The following PML variants were observed in gnomAD, a reference collection of about 807,000 sequenced individuals.
PML encodes the protein PML nuclear body scaffold, also known as protein PML.
A neutral mutation model predicts 65.2 loss-of-function variants in PML; 28 were observed. The ratio of observed to expected loss-of-function variants is 0.43; its 90% CI spans 0.32 to 0.59. The LOEUF is 0.59. Ranked by LOEUF, PML falls within the 20% of genes least tolerant of loss-of-function variation. PML has a pLI of 0.08. For missense variants in PML, 1,021 were observed against 1,203.4 expected (o/e 0.85, Z 2.24); for synonymous variants, 500 against 508.8 (o/e 0.98, Z 0.23).
At chr15:74,036,931 T>C (rs1429732780) in intron 7 of PML, 1 of 985,252 alleles carries the variant, frequency 1.0e-6, no homozygotes, top group Non-Finnish European at 1.2e-6. Flanking sequence ...GAGCTCTCAG[T>C]CCTACCTTCG....
intron 7 of PML, chr15:74,036,911 C>T (rs2071580103): frequency 3.0e-6 from 3 of 984,640 alleles, no homozygotes; most frequent in Admixed American, 6.1e-5. Context: ...ACCGCAGCCT[C>T]CTGTTCCTTG....
intron 2 of PML, among the ~76,000 whole-genome samples, chr15:74,008,157 A>G (rs2070153034): frequency 6.6e-6 from 1 of 152,142 alleles, no homozygotes; most frequent in South Asian, 2.1e-4. Context: ...AAGGAAATAG[A>G]AAGGCCACAG....
chr15:74,043,486 AG>A lies in PML; in HGVS notation c.1861+349del, dbSNP rs1222584775. On this transcript the variant is annotated intron_variant, in intron 8 of 8. Transcript: ENST00000268058. This position sits in a 1 kb window ranked among gnomAD's most constrained non-coding sequence, Gnocchi z 4.3. ...TGCCGTGAGCCCTGTCATCCAAGTA[AG>A]GCCTCTGGCTGTGCTACACGTTTCT... 2.0e-6 allele frequency: 2 copies of A among 1,017,020 alleles called. No homozygotes were observed. Among genetic ancestry groups the A allele is most frequent in the Non-Finnish European group, 2.7e-6 (2 of 749,026 alleles). 63.0% of individuals were successfully genotyped at this position (1,017,020 alleles called of 1,614,324 possible).
At position 73,998,464 on chromosome 15, in the gene PML, C is replaced by T; in HGVS notation, c.590C>T (p.Pro197Leu). Residue 197 changes from proline (P) to leucine (L), a missense_variant, in exon 2 of 9, where the codon CCT becomes CTT. Pro to Leu is a moderately conservative substitution (Grantham distance 98). Transcript: ENST00000268058. ...TGCTCCAACCCCAACCACCGCACCC[C>T]TACGCTGACCAGGTGAGTAGGCCGG... ...IFCSNPNHRT[P>L]TLTSIYCRGC... 1.9e-6 allele frequency: 3 copies of T among 1,613,862 alleles called. No individual in the cohort carries two copies. Among genetic ancestry groups the T allele is most frequent in the East Asian group, 4.5e-5 (2 of 44,878 alleles).
intron 2 of PML, among the ~76,000 whole-genome samples, chr15:74,019,430 G>A (rs956401720): frequency 3.3e-5 from 5 of 152,050 alleles, no homozygotes; most frequent in African/African-American, 1.2e-4. Flanking sequence ...ACATTTATTA[G>A]TATTCTGTTT....
intron 4 of PML, chr15:74,025,144 C>T (rs981335951): frequency 3.5e-6 from 2 of 569,758 alleles, no homozygotes; most frequent in Non-Finnish European, 6.4e-6. Context: ...GCCAAAGTTG[C>T]TCTTGATGGG....
intron 4 of PML, among the ~76,000 whole-genome samples, chr15:74,028,694 A>G (rs754917511): frequency 3.3e-5 from 5 of 152,076 alleles, no homozygotes; most frequent in African/African-American, 1.2e-4. Flanking sequence ...ACCCTTGTCT[A>G]CTTTCTGTCT....
rs544570582 is a variant in PML at position 74,020,506 on chromosome 15, A to G, written c.603-2322A>G. The stretch of plus-strand genomic sequence containing the variant: ...ACAGCAATATTTCTGGGGAACTAAC[A>G]GTATTTTCCCTGGTAATATTTGAAG... On this transcript the variant is annotated intron_variant, in intron 2 of 8. Transcript: ENST00000268058. Among the ~76,000 whole-genome samples, 19 of 152,132 alleles carry G rather than the reference A, an allele frequency of 1.2e-4. No homozygotes were observed. The East Asian group carries it at 3.7e-3, about 29-fold the overall frequency.
At position 74,043,054 on chromosome 15, in the gene PML, C is replaced by A; in HGVS notation, c.1776C>A (p.Thr592=). ...SSDLQLEGPS[T]LRVLDENLAD... ...ACCTCCAGCTGGAAGGCCCCAGCAC[C>A]CTCAGGGTCCTGGACGAGAACCTTG... The change falls in exon 8 of 9, where the codon ACC becomes ACA. Residue 592 remains threonine, a synonymous_variant. Transcript: ENST00000268058. The surrounding 1 kb of genome is among the most constrained non-coding windows in gnomAD (Gnocchi z 4.3). 1.2e-6 allele frequency: 2 copies of A among 1,613,448 alleles called. No homozygotes were observed. The highest frequency in any genetic ancestry group is 2.2e-5 in the South Asian group (2 of 91,000).
At position 74,045,732 on chromosome 15, in the gene PML, C is replaced by T. The variant is rs954663886; in HGVS notation, c.*724C>T. The stretch of plus-strand genomic sequence containing the variant: ...GGCCACCAGACCCCTCACAGCATGG[C>T]CCTTGGCTCTTCCTGCACTGCCCTC... On this transcript the variant is annotated 3_prime_UTR_variant, in exon 9 of 9. Coordinates refer to ENST00000268058, the MANE Select transcript of PML (RefSeq NM_033238.3). 1.3e-5 allele frequency: 3 copies of T among 233,766 alleles called. No individual in the cohort carries two copies. Among genetic ancestry groups the T allele is most frequent in the African/African-American group, 6.6e-5 (3 of 45,348 alleles). 14.5% of individuals were successfully genotyped at this position (233,766 alleles called of 1,614,324 possible). A position where few individuals can be genotyped will look rare whatever the true frequency, so the allele number is the denominator to read the frequency against.
intron 2 of PML, among the ~76,000 whole-genome samples, chr15:74,020,204 T>A (rs535397638): frequency 9.1e-4 from 139 of 152,240 alleles, no homozygotes; most frequent in African/African-American, 3.3e-3. Context: ...GTAGGCTCTC[T>A]GTTGGTGGTT....
At chr15:74,020,826 C>T (rs946597602) in intron 2 of PML, among the ~76,000 whole-genome samples, 3 of 152,244 alleles carry the variant, frequency 2.0e-5, no homozygotes, top group East Asian at 1.9e-4. Flanking sequence ...TCTTCAAAGC[C>T]GGCAACATCA....
intron 2 of PML, among the ~76,000 whole-genome samples, chr15:74,015,519 G>T (rs962559119): frequency 2.0e-5 from 3 of 152,158 alleles, no homozygotes; most frequent in Non-Finnish European, 4.4e-5. Context: ...TAACATTTTT[G>T]CTTCTTGCAT....
chr15:74,007,070 G>C (rs868606242), intron 2 of PML, among the ~76,000 whole-genome samples: 1 of 152,204 alleles, frequency 6.6e-6, no homozygotes, highest in African/African-American at 2.4e-5. Context: ...ATGGAGTAAG[G>C]TTTGTTTGTG....
rs1450534241 is a variant in PML at position 73,998,130 on chromosome 15, A to C, written c.256A>C (p.Met86Leu). ...LCSGCLEASG[M>L]QCPICQAPWP... ...CTCAGGATGCCTGGAGGCGTCGGGC[A>C]TGCAGTGCCCCATCTGCCAGGCGCC... Residue 86 changes from methionine to leucine, a missense_variant, in exon 2 of 9, where the codon ATG (methionine) becomes CTG (leucine). By Grantham distance (15) the Met-to-Leu change is conservative (BLOSUM62 2). Coordinates refer to ENST00000268058, the MANE Select transcript of PML (RefSeq NM_033238.3). 1 of 1,614,004 alleles carries C rather than the reference A, an allele frequency of 6.2e-7. No individual in the cohort carries two copies. Among genetic ancestry groups the C allele is most frequent in the Non-Finnish European group, 8.5e-7 (1 of 1,180,038 alleles).
chr15:73,996,892 G>A (rs1455050196), intron 1 of PML, among the ~76,000 whole-genome samples: 4 of 152,200 alleles, frequency 2.6e-5, no homozygotes, highest in Non-Finnish European at 2.9e-5. Flanking sequence ...TACCAGTAGA[G>A]GATCTTGACT....
chr15:73,995,118 G>C lies in PML; in HGVS notation c.129+177G>C, dbSNP rs368146177. On this transcript the variant is annotated intron_variant, in intron 1 of 8. Coordinates refer to ENST00000268058, the MANE Select transcript of PML (RefSeq NM_033238.3). ...CGGGTGGGGCAGGGAAGGGAGGGTA[G>C]GATAGAGTAGAAAAGAGGACACGGA... is the stretch of plus-strand genomic sequence containing the variant. Among the ~76,000 whole-genome samples the C allele has an allele frequency of 3.3e-5, 5 of 152,244 alleles. No homozygotes were observed. The East Asian group carries it at 7.7e-4, about 23-fold the overall frequency.
At position 74,044,196 on chromosome 15, in the gene PML, C is replaced by T. The variant is rs180832710; in HGVS notation, c.1862-25C>T. ...AGAGCTCTCTGTGACCCTGGGTCCT[C>T]ACCCTGCCCTTCTCTCCTGCCCAGC... On this transcript the variant is annotated intron_variant, in intron 8 of 8. Transcript: ENST00000268058. 2.5e-4 allele frequency: 397 copies of T among 1,612,872 alleles called. No homozygotes were observed. The African/African-American group carries it at 5.0e-3, about 20-fold the overall frequency.
At chr15:74,010,401 C>T (rs2070277476) in intron 2 of PML, among the ~76,000 whole-genome samples, 1 of 150,664 alleles carries the variant, frequency 6.6e-6, no homozygotes, top group African/African-American at 2.4e-5. Flanking sequence ...CCTGTAGTCC[C>T]AGCTACTAGG....
Sources: gnomAD v4.1 joint callset for allele counts (sites outside exome capture counted in the v4.1 genomes callset) on GRCh38, gnomAD v4.1.1 for gene constraint, Gnocchi (gnomAD v3.1) non-coding constraint, MANE v1.5 for transcripts, NCBI Gene and HGNC (gene_info 2026-07-23, HGNC 2026-07-21) for gene names.